CARD10: variants seen among roughly 807,000 people sequenced by gnomAD.
CARD10 encodes caspase recruitment domain family member 10.
Under a neutral mutation model 114.6 loss-of-function variants are expected in CARD10, and 49 were observed. The observed-to-expected ratio is 0.43, with a 90% CI of 0.34 to 0.54. The LOEUF (loss-of-function observed/expected upper bound fraction) is 0.54. CARD10 is among the 20% of genes least tolerant of loss of function. The pLI, the probability that CARD10 is intolerant of heterozygous loss-of-function variation, is 0.03. For synonymous variants in CARD10, 602 were observed against 593.2 expected, an observed-to-expected ratio of 1.01 and a Z score of -0.21; for missense variants, 1,206 against 1,397.2, an observed-to-expected ratio of 0.86 and a Z score of 2.18.
intron 14 of CARD10, 35 bp downstream of exon 14, chr22:37,495,725 G>T (rs2145754218): frequency 1.9e-6 from 3 of 1,612,550 alleles, no homozygotes; most frequent in Non-Finnish European, 1.7e-6. Flanking sequence ...TGGCTCCCAG[G>T]GGGACCCCAT....
chr22:37,507,026 C>T (rs189623968), intron 6 of CARD10, among the ~76,000 whole-genome samples: 74 of 152,338 alleles, frequency 4.9e-4, no homozygotes, highest in Non-Finnish European at 2.1e-4. Context: ...TGCCTTTGAT[C>T]CCAGCACTTT....
rs1410217244 is a variant in CARD10 at position 37,493,860 on chromosome 22, C to T, written c.2476+226G>A. 3.9e-5 allele frequency among the ~76,000 whole-genome samples: 6 copies of T among 152,336 alleles called. No homozygotes were observed. The South Asian group carries it at 1.0e-3, about 26-fold the overall frequency. On this transcript the variant is annotated intron_variant, in intron 16 of 19. Coordinates refer to ENST00000251973, the MANE Select transcript of CARD10 (RefSeq NM_014550.4). ...GTGTGCAAACCCACAGTCACAGCCACGTCTGCATGCACCTCCCCGCAGGGT... is the reference window on the plus strand; with the variant it reads ...GTGTGCAAACCCACAGTCACAGCCATGTCTGCATGCACCTCCCCGCAGGGT...
rs1441391614 is a variant in CARD10 at position 37,519,204 on chromosome 22, C to G, written c.-4G>C. 3.3e-6 allele frequency: 5 copies of G among 1,522,352 alleles called. No individual in the cohort carries two copies. The highest frequency in any genetic ancestry group is 4.9e-5 in the East Asian group (2 of 40,418). 94.3% of individuals were successfully genotyped at this position (1,522,352 alleles called of 1,614,324 possible). A position where few individuals can be genotyped will look rare whatever the true frequency, so the allele number is the denominator to read the frequency against. ...CCGCCTCCGCCCGGCCCGGCATGGC[C>G]GTGTCCTCAGGGTCTGCGGGCAAGA... On this transcript the variant is annotated 5_prime_UTR_variant, in exon 1 of 20. Coordinates refer to ENST00000251973, the MANE Select transcript of CARD10 (RefSeq NM_014550.4). This position sits in a 1 kb window ranked among gnomAD's most constrained non-coding sequence, Gnocchi z 4.1.
In CARD10 at chr22:37,491,780, T is replaced by C. The variant is rs777803433; in HGVS notation, c.2839A>G (p.Thr947Ala). 6.0e-6 allele frequency: 9 copies of C among 1,490,126 alleles called. No homozygotes were observed. The highest frequency in any genetic ancestry group is 7.3e-6 in the Non-Finnish European group (8 of 1,095,638). 92.3% of individuals were successfully genotyped at this position (1,490,126 alleles called of 1,614,324 possible). Residue 947 changes from threonine to alanine, a missense_variant, in exon 19 of 20, where the codon ACT (threonine) becomes GCT (alanine). Physicochemically the swap from Thr to Ala is moderately conservative, Grantham distance 58. Coordinates refer to ENST00000251973, the MANE Select transcript of CARD10 (RefSeq NM_014550.4). Reference protein sequence around the residue: ...IYPIVIHVEVTEKNVREVRGL... With the variant: ...IYPIVIHVEVAEKNVREVRGL... ...CTGACTTCCCGGACATTCTTCTCAGTCACCTCCACGTGGATGACGATGGGG... is the reference window on the plus strand; with the variant it reads ...CTGACTTCCCGGACATTCTTCTCAGCCACCTCCACGTGGATGACGATGGGG...
chr22:37,491,656 G>A, intron 19 of CARD10, 99 bp downstream of exon 19: 1 of 499,310 alleles, frequency 2.0e-6, no homozygotes, highest in Admixed American at 2.7e-5. Flanking sequence ...GAGGGAGAAA[G>A]AGGGGGAGGG....
chr22:37,513,774 G>A (rs917750030), intron 3 of CARD10, among the ~76,000 whole-genome samples: 12 of 152,256 alleles, frequency 7.9e-5, no homozygotes, highest in South Asian at 6.2e-4. Flanking sequence ...GCCAGCCACC[G>A]CCCCTCAGCA....
intron 3 of CARD10, among the ~76,000 whole-genome samples, chr22:37,511,561 C>G (rs1170423710): frequency 1.3e-5 from 2 of 149,420 alleles, no homozygotes; most frequent in African/African-American, 4.9e-5. Context: ...AAAACAGGGT[C>G]AGACCCCAGC....
Position 37,496,615 on chromosome 22 carries a change from G to T in CARD10, c.1948-55C>A. On this transcript the variant is annotated intron_variant, in intron 12 of 19. Coordinates refer to ENST00000251973, the MANE Select transcript of CARD10 (RefSeq NM_014550.4). This position sits in a 1 kb window ranked among gnomAD's most constrained non-coding sequence, Gnocchi z 4.1. ...GAAGTGAGCCTCTGAGAGTAGAGCA[G>T]CCCAGGGGCTGGAGGAAGACCAGGT... The T allele has an allele frequency of 7.7e-7, 1 of 1,300,740 alleles. No individual in the cohort carries two copies. 80.6% of individuals were successfully genotyped at this position (1,300,740 alleles called of 1,614,324 possible). A position where few individuals can be genotyped will look rare whatever the true frequency, so the allele number is the denominator to read the frequency against.
At chr22:37,504,887 T>A (rs1923350405) in intron 7 of CARD10, 118 bp from the exon 8 acceptor site, 1 of 492,710 alleles carries the variant, frequency 2.0e-6, no homozygotes, top group Non-Finnish European at 3.4e-6. Flanking sequence ...CTCAGGGAGC[T>A]CACAGCCTAG....
chr22:37,507,888 T>C lies in CARD10; in HGVS notation c.1132A>G (p.Lys378Glu). The change falls in exon 6 of 20, where the codon AAG becomes GAG. Residue 378 changes from lysine to glutamate, a missense_variant. This residue lies in a region of CARD10 where 1,068 missense variants were observed against 1,179.1 expected (regional missense o/e 0.91). Coordinates refer to ENST00000251973, the MANE Select transcript of CARD10 (RefSeq NM_014550.4). ...RTLQKDCDLY[K>E]HRMATVLAQL... is the part of the protein sequence containing the mutation. ...GCCAGGACAGTGGCCATGCGGTGCT[T>C]GTACAGGTCACAGTCCTTCTGCAGC... 2 of 1,614,176 alleles carry C rather than the reference T, an allele frequency of 1.2e-6. No individual in the cohort carries two copies. The highest frequency in any genetic ancestry group is 8.5e-7 in the Non-Finnish European group (1 of 1,179,994).
intron 1 of CARD10, among the ~76,000 whole-genome samples, chr22:37,518,512 T>G (rs1271758103): frequency 1.3e-5 from 2 of 152,148 alleles, no homozygotes; most frequent in Non-Finnish European, 1.5e-5. Context: ...GCACACCCTG[T>G]GGGAGTGGGG....
In CARD10 at chr22:37,492,563, T is replaced by C; in HGVS notation, c.2636-13A>G. 6.2e-7 allele frequency: 1 copy of C among 1,600,264 alleles called. No homozygotes were observed. Among genetic ancestry groups the C allele is most frequent in the Middle Eastern group, 1.7e-4 (1 of 6,002 alleles). On this transcript the variant is annotated splice_polypyrimidine_tract_variant and intron_variant, in intron 17 of 19. Transcript: ENST00000251973. This position sits in a 1 kb window ranked among gnomAD's most constrained non-coding sequence, Gnocchi z 5.7. ...CCAGAGAGGCTTTCTGCACAGGGAG[T>C]GGAGAGGGAGAGATGAAGGATCCAT...
In CARD10 at chr22:37,496,827, C is replaced by T; in HGVS notation, c.1947+192G>A. 1.4e-6 allele frequency: 1 copy of T among 726,982 alleles called. No homozygotes were observed. The highest frequency in any genetic ancestry group is 2.6e-5 in the Admixed American group (1 of 38,358). The allele number at this position is 726,982 out of a possible 1,614,324, so 45.0% of individuals were successfully genotyped here. On this transcript the variant is annotated intron_variant, in intron 12 of 19. Transcript: ENST00000251973. This position sits in a 1 kb window ranked among gnomAD's most constrained non-coding sequence, Gnocchi z 4.1. Reference sequence around the variant, plus strand: ...AACGTGCTGTCAGTTGGCTCCACCTCCCAGTCCCTGCCCAATCAGACTTCA... The same window carrying T: ...AACGTGCTGTCAGTTGGCTCCACCTTCCAGTCCCTGCCCAATCAGACTTCA...
In CARD10 at chr22:37,496,033, G is replaced by T; in HGVS notation, c.2060-30C>A. The T allele has an allele frequency of 6.2e-7, 1 of 1,609,808 alleles. No individual in the cohort carries two copies. Among genetic ancestry groups the T allele is most frequent in the Non-Finnish European group, 8.5e-7 (1 of 1,177,312 alleles). On this transcript the variant is annotated intron_variant, in intron 13 of 19. Transcript: ENST00000251973. The surrounding 1 kb of genome is among the most constrained non-coding windows in gnomAD (Gnocchi z 4.1). ...GCATGGATGGGGCAGGGGGCAGCAA[G>T]GAGGACAAGAGGAGGATGGTGAGGT... is the stretch of plus-strand genomic sequence containing the variant.
rs1415876884 is a variant in CARD10 at position 37,508,658 on chromosome 22, C to T, written c.934G>A (p.Gly312Ser). The change falls in exon 5 of 20, where the codon GGC becomes AGC. Residue 312 changes from glycine (G) to serine (S), a missense_variant. Around this residue, in one of 2 missense-constraint regions of CARD10, gnomAD observed 1,068 missense variants for 1,179.1 expected, o/e 0.91. Coordinates refer to ENST00000251973, the MANE Select transcript of CARD10 (RefSeq NM_014550.4). ...ATGTCCAGCAGGATGCGCTCGGAGCCCGGGGCCCCCGGCCGGCTCGCCTCC... is the reference window on the plus strand; with the variant it reads ...ATGTCCAGCAGGATGCGCTCGGAGCTCGGGGCCCCCGGCCGGCTCGCCTCC... ...QQEASRPGAP[G>S]SERILLDILE... 2 of 1,573,534 alleles carry T rather than the reference C, an allele frequency of 1.3e-6. No individual in the cohort carries two copies. Among genetic ancestry groups the T allele is most frequent in the African/African-American group, 1.3e-5 (1 of 74,262 alleles).
In CARD10 at chr22:37,519,096, CCGGACGCCCT is replaced by C; in HGVS notation, c.95_104del (p.Glu32GlyfsTer8). The C allele has an allele frequency of 6.3e-7, 1 of 1,590,390 alleles. No homozygotes were observed. The highest frequency in any genetic ancestry group is 8.5e-7 in the Non-Finnish European group (1 of 1,175,498). On this transcript the variant is annotated frameshift_variant, in exon 1 of 20. Coordinates refer to ENST00000251973, the MANE Select transcript of CARD10 (RefSeq NM_014550.4). LOFTEE classifies it high-confidence loss of function. The surrounding 1 kb of genome is among the most constrained non-coding windows in gnomAD (Gnocchi z 4.1). ...GGTTCAGGGCGCGAGCCAGCCGATG[CCGGACGCCCT>C]CGATTCGCTCCCACAGCGCGTCCTC... is the stretch of plus-strand genomic sequence containing the variant.
intron 7 of CARD10, 34 bp downstream of exon 7, chr22:37,506,158 C>T (rs753052984): frequency 7.1e-7 from 1 of 1,412,206 alleles, no homozygotes; most frequent in East Asian, 2.7e-5. Context: ...CCCCAGCCTT[C>T]CTGCCAGGAC....
In CARD10 at chr22:37,502,614, T is replaced by A. The variant is rs1051623757; in HGVS notation, c.1775A>T (p.Asp592Val). ...EGLLARGCGLDFLNRSLAIRV... is the reference protein window; with the variant it reads ...EGLLARGCGLVFLNRSLAIRV... Reference sequence around the variant, plus strand: ...GCAGCTACAGTACCTGTTGAGGAAGTCCAGGCCACAGCCCCGAGCCAGGAG... The same window carrying A: ...GCAGCTACAGTACCTGTTGAGGAAGACCAGGCCACAGCCCCGAGCCAGGAG... The change falls in exon 11 of 20, where the codon GAC becomes GTC. Residue 592 changes from aspartate to valine, a missense_variant. Transcript: ENST00000251973. 59 of 1,613,620 alleles carry A rather than the reference T, an allele frequency of 3.7e-5. No homozygotes were observed. The highest frequency in any genetic ancestry group is 4.9e-5 in the Non-Finnish European group (58 of 1,179,906).
intron 3 of CARD10, chr22:37,514,584 G>A (rs8140671): frequency 0.33 from 50,341 of 152,180 alleles, 11,025 homozygotes; most frequent in African/African-American, 0.63. Context: ...CCCCCATCAG[G>A]GCTCACCTCC....
Sources: allele counts gnomAD v4.1 joint callset (sites outside exome capture counted in the v4.1 genomes callset), GRCh38; gene constraint gnomAD v4.1.1; regional missense constraint gnomAD v4.1.1; non-coding constraint Gnocchi (gnomAD v3.1); transcripts MANE v1.5; gene names NCBI Gene and HGNC (gene_info 2026-07-23, HGNC 2026-07-21).